The following SCIN variants were observed in gnomAD, a reference collection of about 807,000 sequenced individuals.
SCIN encodes the protein adseverin.
In SCIN, 91 loss-of-function variants were observed where a neutral mutation model predicts 91.8. That is an observed-to-expected ratio of 0.99 (90% CI 0.84 to 1.18). The LOEUF is 1.18. Among genes scored for constraint, SCIN ranks in the 50% most tolerant of loss-of-function variants. The pLI is 0.00. For missense variants in SCIN, 1,087 were observed against 863.9 expected, an observed-to-expected ratio of 1.26 and a Z score of -3.24; for synonymous variants, 367 against 312.6, an observed-to-expected ratio of 1.17 and a Z score of -1.84.
intron 8 of SCIN, among the ~76,000 whole-genome samples, chr7:12,627,608 T>C (rs763452899): frequency 6.6e-6 from 1 of 152,156 alleles, no homozygotes; most frequent in Non-Finnish European, 1.5e-5. Context: ...AAATAATTTT[T>C]CCTCTTTTCA....
At chr7:12,607,252 T>TGAGATCATTAGA (rs1205085311) in intron 4 of SCIN, among the ~76,000 whole-genome samples, 7 of 152,312 alleles carry the variant, frequency 4.6e-5, no homozygotes, top group African/African-American at 1.7e-4. Context: ...TAGGTTCTAA[T>TGAGATCATTAGA]GATCTATCCT....
chr7:12,602,268 A>C (rs1422617178), intron 3 of SCIN, among the ~76,000 whole-genome samples: 1 of 152,200 alleles, frequency 6.6e-6, no homozygotes, highest in Non-Finnish European at 1.5e-5. Flanking sequence ...GTGCAAGAAC[A>C]GGGAGTAGGT....
intron 14 of SCIN, among the ~76,000 whole-genome samples, chr7:12,650,793 G>A (rs1017405): frequency 6.6e-6 from 1 of 151,926 alleles, no homozygotes; most frequent in South Asian, 2.1e-4. Flanking sequence ...TATAGCATTT[G>A]TACCAACATC....
chr7:12,618,045 G>A (rs1239967800), intron 4 of SCIN, among the ~76,000 whole-genome samples: 1 of 151,932 alleles, frequency 6.6e-6, no homozygotes, highest in East Asian at 1.9e-4. Flanking sequence ...CCTCTAATAC[G>A]CTGATATTCT....
At chr7:12,612,671 T>C (rs2115260138) in intron 4 of SCIN, among the ~76,000 whole-genome samples, 1 of 152,308 alleles carries the variant, frequency 6.6e-6, no homozygotes, top group South Asian at 2.1e-4. Context: ...CAAGACACTA[T>C]TCATTCCTTG....
chr7:12,585,075 G>A (rs1236238102), intron 3 of SCIN, among the ~76,000 whole-genome samples: 2 of 151,950 alleles, frequency 1.3e-5, no homozygotes, highest in Non-Finnish European at 2.9e-5. Flanking sequence ...AAATGATCAC[G>A]CCCTCTCCCA....
intron 6 of SCIN, among the ~76,000 whole-genome samples, 175 bp from the exon 7 acceptor site, chr7:12,625,587 C>T (rs931359259): frequency 7.9e-5 from 12 of 151,870 alleles, no homozygotes; most frequent in African/African-American, 1.7e-4. Context: ...CCTTGGCTTC[C>T]CAAAGTGCTA....
At position 12,651,154 on chromosome 7, in the gene SCIN, G is replaced by C. The variant is rs1412280081; in HGVS notation, c.1960-687G>C. On this transcript the variant is annotated intron_variant, in intron 14 of 15. Coordinates refer to ENST00000297029, the MANE Select transcript of SCIN (RefSeq NM_001112706.3). The surrounding 1 kb of genome is among the most constrained non-coding windows in gnomAD (Gnocchi z 5.9). ...CCATTTTGAAGTTACAGAAAGAATG[G>C]GGGATTGCAGGATGGCAAAACTGGT... Among the ~76,000 whole-genome samples, 1 of 152,208 alleles carries C rather than the reference G, an allele frequency of 6.6e-6. No individual in the cohort carries two copies. Among genetic ancestry groups the C allele is most frequent in the Admixed American group, 6.5e-5 (1 of 15,278 alleles).
chr7:12,643,590 T>C (rs1422825200), intron 11 of SCIN, among the ~76,000 whole-genome samples: 1 of 152,184 alleles, frequency 6.6e-6, no homozygotes, highest in African/African-American at 2.4e-5. Context: ...TCTAGTGTTC[T>C]CTCCTTCAAC....
rs537378915 is a variant in SCIN at position 12,656,391 on chromosome 7, T to G, written c.*3676T>G. 2.0e-4 allele frequency: 31 copies of G among 152,336 alleles called. No individual in the cohort carries two copies. The highest frequency in any genetic ancestry group is 6.7e-4 in the African/African-American group (28 of 41,584). The allele number at this position is 152,336 out of a possible 1,614,324, so 9.4% of individuals were successfully genotyped here. ...TTATTTTCTTTTAAACCTAATTTAT[T>G]TTAAACCTAATTTATTTATTTTAAA... On this transcript the variant is annotated 3_prime_UTR_variant, in exon 16 of 16. Transcript: ENST00000297029.
At chr7:12,588,006 A>C (rs1403432450) in intron 3 of SCIN, among the ~76,000 whole-genome samples, 1 of 152,198 alleles carries the variant, frequency 6.6e-6, no homozygotes, top group African/African-American at 2.4e-5. Context: ...TTTCTTTTAA[A>C]TTAAAACTAT....
chr7:12,613,827 G>T (rs1021017911), intron 4 of SCIN, among the ~76,000 whole-genome samples: 3 of 152,060 alleles, frequency 2.0e-5, no homozygotes, highest in East Asian at 1.9e-4. Context: ...ATAGTATTCT[G>T]CTCAGTGGAA....
Position 12,657,557 on chromosome 7 carries a change from TA to T in SCIN, c.*4843del, listed in dbSNP as rs1562642328. 6 of 29,712 alleles carry T rather than the reference TA, an allele frequency of 2.0e-4. No homozygotes were observed. The highest frequency in any genetic ancestry group is 4.3e-4 in the Non-Finnish European group (4 of 9,232). 1.8% of individuals were successfully genotyped at this position (29,712 alleles called of 1,614,324 possible). On this transcript the variant is annotated 3_prime_UTR_variant, in exon 16 of 16. Coordinates refer to ENST00000297029, the MANE Select transcript of SCIN (RefSeq NM_001112706.3). ...GTGTGTGTATATATATATATATATA[TA>T]TATATATATATATATTTTTTTTTTT... is the stretch of plus-strand genomic sequence containing the variant.
At chr7:12,592,673 G>A (rs777484432) in intron 3 of SCIN, among the ~76,000 whole-genome samples, 1 of 152,008 alleles carries the variant, frequency 6.6e-6, no homozygotes, top group Non-Finnish European at 1.5e-5. Flanking sequence ...CTAGAATGGG[G>A]GTGGGGCAAT....
chr7:12,649,604 T>A (rs376868966), intron 14 of SCIN, 60 bp downstream of exon 14: 18 of 1,119,388 alleles, frequency 1.6e-5, no homozygotes, highest in Middle Eastern at 1.9e-4. Context: ...ATGACAGAAC[T>A]TGATCTGAGA....
At chr7:12,623,201 A>G (rs1289906559) in intron 5 of SCIN, among the ~76,000 whole-genome samples, 2 of 152,140 alleles carry the variant, frequency 1.3e-5, no homozygotes, top group East Asian at 1.9e-4. Context: ...TGTTTCCTTT[A>G]TGGAGTAAAA....
intron 2 of SCIN, among the ~76,000 whole-genome samples, chr7:12,579,703 G>A (rs1199307158): frequency 6.6e-6 from 1 of 152,146 alleles, no homozygotes; most frequent in African/African-American, 2.4e-5. Context: ...ATCACCTGAG[G>A]TCAGAAGTTT....
At chr7:12,638,795 T>C (rs1783802223) in intron 10 of SCIN, among the ~76,000 whole-genome samples, 1 of 152,194 alleles carries the variant, frequency 6.6e-6, no homozygotes, top group South Asian at 2.1e-4. Context: ...AAAAATAAGT[T>C]AACTTGCTAC....
intron 9 of SCIN, among the ~76,000 whole-genome samples, chr7:12,630,956 AC>A (rs1783630350): frequency 6.6e-6 from 1 of 152,200 alleles, no homozygotes; most frequent in Non-Finnish European, 1.5e-5. Flanking sequence ...TTCCCAGTTA[AC>A]TTTTCTTTTG....
Sources: gnomAD v4.1 joint callset for allele counts (sites outside exome capture counted in the v4.1 genomes callset) on GRCh38, gnomAD v4.1.1 for gene constraint, Gnocchi (gnomAD v3.1) non-coding constraint, MANE v1.5 for transcripts, NCBI Gene and HGNC (gene_info 2026-07-23, HGNC 2026-07-21) for gene names.